RAD51B: variants seen among roughly 807,000 people sequenced by gnomAD.
RAD51B encodes the protein RAD51 paralog B, also known as DNA repair protein RAD51 homolog 2.
A neutral mutation model predicts 42.2 loss-of-function variants in RAD51B; 38 were observed. The ratio of observed to expected loss-of-function variants is 0.90; its 90% CI spans 0.70 to 1.18. RAD51B has a LOEUF of 1.18. Among genes scored for constraint, RAD51B ranks in the 50% most tolerant of loss-of-function variants. RAD51B has a pLI of 0.00. For missense variants in RAD51B, 373 were observed against 400.7 expected (o/e 0.93, Z 0.59); for synonymous variants, 154 against 145.2 (o/e 1.06, Z -0.43).
At chr14:67,849,156 C>T (rs1057459972) in intron 4 of RAD51B, among the ~76,000 whole-genome samples, 5 of 152,178 alleles carry the variant, frequency 3.3e-5, no homozygotes, top group African/African-American at 1.2e-4. Flanking sequence ...AGTATGTTTT[C>T]CAGGTTGTCA....
In RAD51B at chr14:68,146,358, G is replaced by C. The variant is rs2078248916; in HGVS notation, c.757-145526G>C. On this transcript the variant is annotated intron_variant, in intron 7 of 10. Coordinates refer to ENST00000471583, the MANE Select transcript of RAD51B (RefSeq NM_133510.4). ...CCAGCTACTCAGGAGGCTGAGGCAG[G>C]AGAATTGCTCGAACCAAGATGGCGC... Among the ~76,000 whole-genome samples the C allele has an allele frequency of 2.0e-5, 3 of 152,160 alleles. No individual in the cohort carries two copies. In the South Asian group the frequency reaches 6.2e-4, roughly 32 times the overall value.
At chr14:68,004,983 C>T (rs2075556657) in intron 7 of RAD51B, among the ~76,000 whole-genome samples, 1 of 146,030 alleles carries the variant, frequency 6.8e-6, no homozygotes, top group Non-Finnish European at 1.5e-5. Flanking sequence ...TGTGATTATT[C>T]ATACAATAGA....
chr14:67,998,232 C>A (rs1015614268), intron 7 of RAD51B, among the ~76,000 whole-genome samples: 2 of 152,158 alleles, frequency 1.3e-5, no homozygotes, highest in African/African-American at 4.8e-5. Flanking sequence ...TTTAACGTTA[C>A]ATAAACATGG....
intron 10 of RAD51B, among the ~76,000 whole-genome samples, chr14:68,591,633 G>A (rs1341720739): frequency 2.0e-5 from 3 of 152,216 alleles, no homozygotes; most frequent in Middle Eastern, 3.4e-3. Flanking sequence ...GTGTGTGGCC[G>A]GTGGCGTGGG....
At chr14:68,266,509 G>A (rs1465767353) in intron 7 of RAD51B, among the ~76,000 whole-genome samples, 1 of 152,230 alleles carries the variant, frequency 6.6e-6, no homozygotes, top group Non-Finnish European at 1.5e-5. Flanking sequence ...AGAGGGAAAG[G>A]CAAGAGAAGG....
intron 7 of RAD51B, among the ~76,000 whole-genome samples, chr14:68,252,181 A>C (rs918550710): frequency 2.0e-5 from 3 of 152,192 alleles, no homozygotes; most frequent in Non-Finnish European, 4.4e-5. Context: ...CAAGGTGGTG[A>C]AGTTTAAAAT....
At chr14:68,537,225 G>T (rs144640808) in intron 10 of RAD51B, among the ~76,000 whole-genome samples, 1 of 151,944 alleles carries the variant, frequency 6.6e-6, no homozygotes, top group South Asian at 2.1e-4. Flanking sequence ...ATGGCCAGTC[G>T]CAGTGGCTCA....
chr14:67,975,778 G>A (rs1387426033), intron 7 of RAD51B, among the ~76,000 whole-genome samples: 2 of 152,228 alleles, frequency 1.3e-5, no homozygotes, highest in African/African-American at 4.8e-5. Flanking sequence ...GCAGATTACA[G>A]TCTGTTTACA....
intron 8 of RAD51B, among the ~76,000 whole-genome samples, chr14:68,350,653 G>A (rs908769855): frequency 3.9e-5 from 6 of 152,294 alleles, no homozygotes; most frequent in South Asian, 2.1e-4. Context: ...GTTTTCTTTA[G>A]GCTAGTGTTA....
chr14:68,293,632 ACTT>A (rs1169854468), intron 8 of RAD51B, among the ~76,000 whole-genome samples: 14 of 151,762 alleles, frequency 9.2e-5, no homozygotes, highest in African/African-American at 2.4e-4. Context: ...TCCCCCTTTC[ACTT>A]CTTCTGCTTC....
At chr14:67,894,401 A>G (rs1181586316) in intron 7 of RAD51B, among the ~76,000 whole-genome samples, 1 of 151,996 alleles carries the variant, frequency 6.6e-6, no homozygotes, top group African/African-American at 2.4e-5. Flanking sequence ...ACTTACACTT[A>G]TTTTTTGGAT....
intron 7 of RAD51B, among the ~76,000 whole-genome samples, chr14:68,107,494 A>G (rs2077394718): frequency 6.6e-6 from 1 of 151,836 alleles, no homozygotes; most frequent in Non-Finnish European, 1.5e-5. Context: ...TGGGATCCAG[A>G]ATAGCCATAA....
intron 5 of RAD51B, among the ~76,000 whole-genome samples, chr14:67,874,785 A>G (rs1275039551): frequency 6.6e-6 from 1 of 152,112 alleles, no homozygotes; most frequent in East Asian, 1.9e-4. Context: ...ACCCATCCCC[A>G]TATTCTAGTC....
chr14:67,884,995 A>G (rs2043021017), intron 5 of RAD51B, among the ~76,000 whole-genome samples: 1 of 152,174 alleles, frequency 6.6e-6, no homozygotes, highest in South Asian at 2.1e-4. Context: ...TTGAGTCTCT[A>G]AATGGAAAAC....
chr14:67,862,506 A>G (rs1352229380), intron 4 of RAD51B, among the ~76,000 whole-genome samples: 1 of 152,156 alleles, frequency 6.6e-6, no homozygotes. Context: ...TGCAAGAACA[A>G]TCAATTGACG....
At chr14:68,417,296 C>T (rs1042078367) in intron 9 of RAD51B, among the ~76,000 whole-genome samples, 5 of 152,162 alleles carry the variant, frequency 3.3e-5, no homozygotes, top group African/African-American at 1.2e-4. Flanking sequence ...CTAGATCCCG[C>T]CAGAGGAGAA....
At chr14:68,679,406 G>A (rs528926570) in intron 11 of RAD51B, among the ~76,000 whole-genome samples, 76 of 152,326 alleles carry the variant, frequency 5.0e-4, no homozygotes, top group African/African-American at 1.7e-3. Context: ...TTCCCATCTA[G>A]TCCCAGGGCA....
chr14:67,976,567 C>T (rs1253308247), intron 7 of RAD51B, among the ~76,000 whole-genome samples: 2 of 151,946 alleles, frequency 1.3e-5, no homozygotes, highest in East Asian at 1.9e-4. Context: ...CCCATTAACT[C>T]GTCGGATTAA....
At position 68,180,215 on chromosome 14, in the gene RAD51B, A is replaced by C. The variant is rs112931761; in HGVS notation, c.757-111669A>C. ...TCTGAACCATAGCCTACGTGTTTAG[A>C]ATGTCTAGTTTGATGGAGCACAGAT... On this transcript the variant is annotated intron_variant, in intron 7 of 10. Transcript: ENST00000471583. Among the ~76,000 whole-genome samples the C allele has an allele frequency of 2.6e-5, 4 of 152,284 alleles. No individual in the cohort carries two copies. In the South Asian group the frequency reaches 6.2e-4, roughly 24 times the overall value.
Sources: gnomAD v4.1 joint callset for allele counts (sites outside exome capture counted in the v4.1 genomes callset) on GRCh38, gnomAD v4.1.1 for gene constraint, MANE v1.5 for transcripts, NCBI Gene and HGNC (gene_info 2026-07-23, HGNC 2026-07-21) for gene names.